Variants in GNA12 observed in about 807,000 individuals in gnomAD.
GNA12 encodes the protein G protein subunit alpha 12.
In GNA12, 9 loss-of-function variants were observed where a neutral mutation model predicts 26.0. That is an observed-to-expected ratio of 0.35 (90% CI 0.21 to 0.60). The LOEUF is 0.60. Ranked by LOEUF, GNA12 falls within the 20% of genes least tolerant of loss-of-function variation. The probability of loss-of-function intolerance (pLI) is 0.78; values close to 1 mark genes in which losing one functional copy is unlikely to be tolerated. For synonymous variants in GNA12, 264 were observed against 219.6 expected (o/e 1.20, Z -1.79); for missense variants, 405 against 525.8 (o/e 0.77, Z 2.25).
chr7:2,748,849 A>T (rs1307061736), intron 2 of GNA12, among the ~76,000 whole-genome samples: 1 of 152,236 alleles, frequency 6.6e-6, no homozygotes, highest in Non-Finnish European at 1.5e-5. Flanking sequence ...AAGTGGGCAA[A>T]GGACATGAAC....
intron 1 of GNA12, among the ~76,000 whole-genome samples, chr7:2,797,977 G>A (rs1217927973): frequency 1.3e-5 from 2 of 152,042 alleles, no homozygotes; most frequent in African/African-American, 4.8e-5. Context: ...TGCAAACTAG[G>A]AACAGAGAAA....
At chr7:2,772,474 G>T (rs1791973205) in intron 2 of GNA12, among the ~76,000 whole-genome samples, 1 of 151,900 alleles carries the variant, frequency 6.6e-6, no homozygotes, top group African/African-American at 2.4e-5. Context: ...GCAGGAGAAT[G>T]GCGTGAACCC....
chr7:2,761,705 T>A (rs774270644), intron 2 of GNA12, among the ~76,000 whole-genome samples: 8 of 152,160 alleles, frequency 5.3e-5, no homozygotes, highest in Non-Finnish European at 1.2e-4. Context: ...ACCGAATCCT[T>A]GAATTTGCTT....
chr7:2,770,331 A>G (rs530919924), intron 2 of GNA12, among the ~76,000 whole-genome samples: 12 of 152,296 alleles, frequency 7.9e-5, no homozygotes, highest in Admixed American at 3.3e-4. Flanking sequence ...TGATCACACA[A>G]TTTTAAATTT....
intron 2 of GNA12, among the ~76,000 whole-genome samples, chr7:2,779,369 G>A (rs180843407): frequency 6.6e-6 from 1 of 152,144 alleles, no homozygotes; most frequent in Non-Finnish European, 1.5e-5. Flanking sequence ...AATAAGTTGG[G>A]TGTGGTGGTG....
chr7:2,818,174 T>C (rs1323444897), intron 1 of GNA12, among the ~76,000 whole-genome samples: 4 of 152,206 alleles, frequency 2.6e-5, no homozygotes, highest in Non-Finnish European at 4.4e-5. Flanking sequence ...ATTTACATAA[T>C]AGTGTAATTC....
At chr7:2,773,414 T>G (rs1464946357) in intron 2 of GNA12, among the ~76,000 whole-genome samples, 1 of 152,088 alleles carries the variant, frequency 6.6e-6, no homozygotes, top group Non-Finnish European at 1.5e-5. Context: ...ATACAAAAAT[T>G]AGCCAGGCGT....
intron 2 of GNA12, among the ~76,000 whole-genome samples, chr7:2,760,059 A>C (rs1193934179): frequency 6.6e-6 from 1 of 152,262 alleles, no homozygotes; most frequent in Non-Finnish European, 1.5e-5. Flanking sequence ...TAGGATGTCA[A>C]GGTTGAGGAA....
chr7:2,733,549 C>T (rs372884875), intron 2 of GNA12, 48 bp from the exon 3 acceptor site: 1 of 1,451,376 alleles, frequency 6.9e-7, no homozygotes, highest in Non-Finnish European at 9.7e-7. Flanking sequence ...CTGAGGAATC[C>T]TGATGTGGCA....
chr7:2,840,137 G>T (rs1018010943), intron 1 of GNA12, among the ~76,000 whole-genome samples: 2 of 152,198 alleles, frequency 1.3e-5, no homozygotes, highest in Non-Finnish European at 2.9e-5. Flanking sequence ...TATCCTGGTT[G>T]TAAGATTGTG....
At chr7:2,749,573 A>C (rs1459336396) in intron 2 of GNA12, among the ~76,000 whole-genome samples, 1 of 152,080 alleles carries the variant, frequency 6.6e-6, no homozygotes. Flanking sequence ...ATGACGAGTT[A>C]ATGGGTGCAG....
In GNA12 at chr7:2,728,131, ATT is replaced by A. The variant is rs1432303232; in HGVS notation, c.*3048_*3049del. 1 of 152,260 alleles carries A rather than the reference ATT, an allele frequency of 6.6e-6. No individual in the cohort carries two copies. The highest frequency in any genetic ancestry group is 2.4e-5 in the African/African-American group (1 of 41,402). The allele number at this position is 152,260 out of a possible 1,614,324, so 9.4% of individuals were successfully genotyped here. On this transcript the variant is annotated 3_prime_UTR_variant, in exon 4 of 4. Coordinates refer to ENST00000275364, the MANE Select transcript of GNA12 (RefSeq NM_007353.3). Reference sequence around the variant, plus strand: ...TTTATATTAAGCAAAGAAAGACTAAATTTATTTTAATAAACATTCAGAGGCTG... The same window carrying A: ...TTTATATTAAGCAAAGAAAGACTAAATATTTTAATAAACATTCAGAGGCTG...
chr7:2,810,612 A>G (rs1229816899), intron 1 of GNA12, among the ~76,000 whole-genome samples: 2 of 152,218 alleles, frequency 1.3e-5, no homozygotes, highest in East Asian at 3.8e-4. Flanking sequence ...GATAATGAGA[A>G]AAGTCCGGGC....
chr7:2,746,086 C>G (rs537624615), intron 2 of GNA12, among the ~76,000 whole-genome samples: 10 of 152,234 alleles, frequency 6.6e-5, no homozygotes, highest in Admixed American at 5.9e-4. Flanking sequence ...CTTTAACACC[C>G]CACTGTCAAC....
chr7:2,824,466 T>C (rs1048132995), intron 1 of GNA12, among the ~76,000 whole-genome samples: 1 of 152,174 alleles, frequency 6.6e-6, no homozygotes, highest in Non-Finnish European at 1.5e-5. Flanking sequence ...CTGCCACCCC[T>C]GACATGGACA....
At chr7:2,814,905 G>T (rs968209783) in intron 1 of GNA12, 2 of 1,600,414 alleles carry the variant, frequency 1.2e-6, no homozygotes, top group African/African-American at 1.3e-5. Flanking sequence ...TGCTAGGCAC[G>T]GCCTGGGAAA....
At chr7:2,743,313 A>G (rs1419531929) in intron 2 of GNA12, among the ~76,000 whole-genome samples, 3 of 152,220 alleles carry the variant, frequency 2.0e-5, no homozygotes, top group Non-Finnish European at 4.4e-5. Flanking sequence ...CATTAGATGG[A>G]TGAACAGAAC....
intron 2 of GNA12, among the ~76,000 whole-genome samples, chr7:2,755,025 T>C (rs766700247): frequency 4.6e-5 from 7 of 152,218 alleles, no homozygotes; most frequent in African/African-American, 1.7e-4. Flanking sequence ...GCACCCTTTG[T>C]TGAAAAGGCT....
At chr7:2,762,479 G>A in intron 2 of GNA12, 1 of 693,998 alleles carries the variant, frequency 1.4e-6, no homozygotes, top group Non-Finnish European at 2.3e-6. Flanking sequence ...ACCCACCCGT[G>A]TGCGGGGCCT....
Sources: gnomAD v4.1 joint callset for allele counts (sites outside exome capture counted in the v4.1 genomes callset) on GRCh38, gnomAD v4.1.1 for gene constraint, MANE v1.5 for transcripts, NCBI Gene and HGNC (gene_info 2026-07-23, HGNC 2026-07-21) for gene names.